The following MAP3K19 variants were observed in gnomAD, a reference collection of about 807,000 sequenced individuals.
MAP3K19 encodes SPS1/STE20-related protein kinase YSK4.
In MAP3K19, 91 loss-of-function variants were observed where a neutral mutation model predicts 114.4. That is an observed-to-expected ratio of 0.80 (90% CI 0.67 to 0.95). The LOEUF (loss-of-function observed/expected upper bound fraction) is 0.95, where lower values mean the gene tolerates loss of function less well. MAP3K19 is among the 40% of genes least tolerant of loss of function. The pLI, the probability that MAP3K19 is intolerant of heterozygous loss-of-function variation, is 0.00. For missense variants in MAP3K19, 1,471 were observed against 1,573.2 expected (o/e 0.94, Z 1.10); for synonymous variants, 518 against 530.5 (o/e 0.98, Z 0.32).
rs1200557505 is a variant in MAP3K19, at chr2:134,988,161, GTTTC to G, written c.707_710del (p.Arg236ThrfsTer32). On this transcript the variant is annotated frameshift_variant, in exon 10 of 13. Coordinates refer to ENST00000392915, the MANE Select transcript of MAP3K19 (RefSeq NM_025052.5). LOFTEE classifies it high-confidence loss of function. Reference sequence around the variant, plus strand: ...GCACAAAAGATGTGAGACTTGGAATGTTTCTTTCTTTTTCTTTTGGAAACTTGTG... The same window carrying G: ...GCACAAAAGATGTGAGACTTGGAATGTTTCTTTTTCTTTTGGAAACTTGTG... 12 of 1,613,186 alleles carry G rather than the reference GTTTC, an allele frequency of 7.4e-6. No homozygotes were observed. The highest frequency in any genetic ancestry group is 4.0e-5 in the African/African-American group (3 of 74,858).
chr2:135,042,764 T>C (rs1183194430), intron 1 of MAP3K19, among the ~76,000 whole-genome samples: 4 of 151,514 alleles, frequency 2.6e-5, no homozygotes, highest in Admixed American at 6.6e-5. Context: ...ATTATTATGA[T>C]GCAGAGGAAA....
intron 12 of MAP3K19, 65 bp from the exon 13 acceptor site, chr2:134,964,981 C>T (rs896786335): frequency 8.3e-7 from 1 of 1,206,578 alleles, no homozygotes; most frequent in Non-Finnish European, 1.2e-6. Context: ...TGTAGATCTA[C>T]TTAAATGTGA....
intron 5 of MAP3K19, among the ~76,000 whole-genome samples, chr2:135,021,141 A>G (rs998490591): frequency 6.6e-6 from 1 of 151,954 alleles, no homozygotes; most frequent in African/African-American, 2.4e-5. Context: ...TTTGTGTCCC[A>G]CCAAAATTTA....
intron 10 of MAP3K19, among the ~76,000 whole-genome samples, chr2:134,984,194 T>C (rs1031845761): frequency 6.6e-6 from 1 of 152,120 alleles, no homozygotes; most frequent in Non-Finnish European, 1.5e-5. Flanking sequence ...CTCAGCCCCC[T>C]AACCTCAACT....
intron 12 of MAP3K19, among the ~76,000 whole-genome samples, chr2:134,978,170 A>AC (rs1684378944): frequency 1.3e-5 from 2 of 150,644 alleles, no homozygotes; most frequent in Admixed American, 1.3e-4. Flanking sequence ...TTATGACTGT[A>AC]GCAATCAACC....
In MAP3K19 at chr2:134,978,230, AG is replaced by A. The variant is rs200121879; in HGVS notation, c.3920+2590del. 8.8e-3 allele frequency among the ~76,000 whole-genome samples: 1,312 copies of A among 148,648 alleles called. 8 individuals carry two copies. Among genetic ancestry groups the A allele is most frequent in the Non-Finnish European group, 0.013 (854 of 67,396 alleles). ...GAGACAGAGTCTCACTCTGTCCCTT[AG>A]GCTGGAGTGCAGTGGTGCCATCTCA... On this transcript the variant is annotated intron_variant, in intron 12 of 12. Transcript: ENST00000392915.
At chr2:135,028,420 G>T (rs749371387) in intron 3 of MAP3K19, among the ~76,000 whole-genome samples, 15 of 151,986 alleles carry the variant, frequency 9.9e-5, no homozygotes, top group Admixed American at 6.6e-4. Context: ...AGCCAGGCAT[G>T]GTGGCATGCA....
intron 2 of MAP3K19, among the ~76,000 whole-genome samples, chr2:135,036,997 T>C (rs931142681): frequency 7.9e-6 from 1 of 126,836 alleles, no homozygotes; most frequent in African/African-American, 4.3e-5. Context: ...CAGTAAAACA[T>C]TCTTTTTTTT....
chr2:134,971,839 T>C (rs1464466580), intron 12 of MAP3K19, among the ~76,000 whole-genome samples: 2 of 151,898 alleles, frequency 1.3e-5, no homozygotes, highest in Admixed American at 1.3e-4. Flanking sequence ...AGTTTATTGA[T>C]TTTATTTTTT....
At chr2:135,012,903 C>T (rs1470499766) in intron 5 of MAP3K19, among the ~76,000 whole-genome samples, 1 of 152,098 alleles carries the variant, frequency 6.6e-6, no homozygotes, top group Non-Finnish European at 1.5e-5. Flanking sequence ...TGCTTTCTTT[C>T]TTGTATAACT....
At chr2:135,004,333 G>T (rs1022399938) in intron 6 of MAP3K19, among the ~76,000 whole-genome samples, 1 of 152,292 alleles carries the variant, frequency 6.6e-6, no homozygotes, top group Non-Finnish European at 1.5e-5. Context: ...AGGCTTAATG[G>T]TTTTCATAAT....
chr2:134,997,446 C>CG lies in MAP3K19; in HGVS notation c.574+1291_574+1292insC, dbSNP rs199547366. ...ATGGTTACACAACAATGTGAATGTA[C>CG]TTAAATGCCACTGAACTGTACACTT... On this transcript the variant is annotated intron_variant, in intron 8 of 12. Coordinates refer to ENST00000392915, the MANE Select transcript of MAP3K19 (RefSeq NM_025052.5). Among the ~76,000 whole-genome samples, 692 of 152,196 alleles carry CG rather than the reference C, an allele frequency of 4.5e-3. 5 individuals carry two copies. Among genetic ancestry groups the CG allele is most frequent in the African/African-American group, 0.016 (651 of 41,512 alleles).
chr2:135,020,346 G>T (rs1312238261), intron 5 of MAP3K19, among the ~76,000 whole-genome samples: 1 of 152,026 alleles, frequency 6.6e-6, no homozygotes, highest in African/African-American at 2.4e-5. Context: ...TTGAGACAGG[G>T]TCTTGCTCTG....
intron 5 of MAP3K19, among the ~76,000 whole-genome samples, chr2:135,007,964 C>G (rs1686949125): frequency 6.6e-6 from 1 of 152,160 alleles, no homozygotes; most frequent in Non-Finnish European, 1.5e-5. Context: ...CTTTGTGTTT[C>G]TCTTAAGTAT....
At chr2:134,983,258 G>C (rs1684835413) in intron 11 of MAP3K19, 1 of 535,548 alleles carries the variant, frequency 1.9e-6, no homozygotes, top group African/African-American at 1.9e-5. Flanking sequence ...TTGCCATCTA[G>C]TAATGATTCT....
rs571682297 is a variant in MAP3K19, at chr2:135,018,917, TC to T, written c.138+2797del. Among the ~76,000 whole-genome samples, 169 of 152,176 alleles carry T rather than the reference TC, an allele frequency of 1.1e-3. 1 individual carries two copies. The highest frequency in any genetic ancestry group is 4.0e-3 in the African/African-American group (167 of 41,514). ...CTGGCCAACATGGTGAAACCCCATC[TC>T]TACTAAAAATACAAAAATTAGCCAG... On this transcript the variant is annotated intron_variant, in intron 5 of 12. Coordinates refer to ENST00000392915, the MANE Select transcript of MAP3K19 (RefSeq NM_025052.5).
intron 8 of MAP3K19, among the ~76,000 whole-genome samples, chr2:134,992,827 G>A (rs1242827989): frequency 6.6e-6 from 1 of 151,982 alleles, no homozygotes; most frequent in African/African-American, 2.4e-5. Flanking sequence ...CTGCCATCAT[G>A]CCCGGCTAAT....
chr2:135,019,754 G>A (rs2105363682), intron 5 of MAP3K19, among the ~76,000 whole-genome samples: 1 of 152,150 alleles, frequency 6.6e-6, no homozygotes, highest in Non-Finnish European at 1.5e-5. Context: ...CATTCAAAAG[G>A]TACAAATGAG....
At chr2:135,032,429 C>A (rs985557224) in intron 2 of MAP3K19, among the ~76,000 whole-genome samples, 1 of 151,260 alleles carries the variant, frequency 6.6e-6, no homozygotes. Context: ...ATAGAACTCC[C>A]CTATGATCCA....
Sources: gnomAD v4.1 joint callset for allele counts (sites outside exome capture counted in the v4.1 genomes callset) on GRCh38, gnomAD v4.1.1 for gene constraint, MANE v1.5 for transcripts, NCBI Gene and HGNC (gene_info 2026-07-23, HGNC 2026-07-21) for gene names.